ATP6V0A4: variants seen among roughly 807,000 people sequenced by gnomAD.
ATP6V0A4 encodes ATPase H+ transporting V0 subunit a4.
Under a neutral mutation model 107.3 loss-of-function variants are expected in ATP6V0A4, and 86 were observed. The observed-to-expected ratio is 0.80, with a 90% CI of 0.67 to 0.96. ATP6V0A4 has a LOEUF of 0.96. Ranked by LOEUF, ATP6V0A4 falls within the 40% of genes least tolerant of loss-of-function variation. The probability of loss-of-function intolerance (pLI) is 0.00; values close to 1 mark genes in which losing one functional copy is unlikely to be tolerated. For missense variants in ATP6V0A4, 908 were observed against 1,045.6 expected (o/e 0.87, Z 1.81); for synonymous variants, 353 against 381.4 (o/e 0.93, Z 0.87).
chr7:138,778,720 A>T (rs1157922059), intron 2 of ATP6V0A4, among the ~76,000 whole-genome samples: 1 of 151,206 alleles, frequency 6.6e-6, no homozygotes, highest in Non-Finnish European at 1.5e-5. Flanking sequence ...CCCCCACCCC[A>T]TTGCCAGCAA....
At chr7:138,717,937 G>T (rs1258928789) in intron 19 of ATP6V0A4, among the ~76,000 whole-genome samples, 1 of 148,616 alleles carries the variant, frequency 6.7e-6, no homozygotes, top group Admixed American at 6.7e-5. Context: ...AAAAGAGTGA[G>T]ATGAGATAAC....
intron 2 of ATP6V0A4, among the ~76,000 whole-genome samples, chr7:138,779,559 A>G (rs918194498): frequency 3.2e-4 from 49 of 152,110 alleles, no homozygotes; most frequent in African/African-American, 1.1e-3. Context: ...TCCAAGTCCA[A>G]CCCTTGTCAA....
rs534117951 is a variant in ATP6V0A4, at chr7:138,738,887, C to G, written c.1572+653G>C. Among the ~76,000 whole-genome samples the G allele has an allele frequency of 5.3e-5, 8 of 152,280 alleles. No homozygotes were observed. In the East Asian group the frequency reaches 7.7e-4, roughly 15 times the overall value. ...CAGGTTCAATTTCAGACTACTCACG[C>G]TCATTTGGAGCACAAGGCCGCCACC... On this transcript the variant is annotated intron_variant, in intron 15 of 21. Coordinates refer to ENST00000310018, the MANE Select transcript of ATP6V0A4 (RefSeq NM_020632.3).
intron 20 of ATP6V0A4, among the ~76,000 whole-genome samples, chr7:138,713,010 G>A (rs1284057559): frequency 6.6e-6 from 1 of 152,146 alleles, no homozygotes; most frequent in East Asian, 1.9e-4. Context: ...AAGACATGCG[G>A]CCGGGCGCGG....
intron 13 of ATP6V0A4, 57 bp downstream of exon 13, chr7:138,747,368 A>T: frequency 1.3e-6 from 2 of 1,575,252 alleles, no homozygotes; most frequent in South Asian, 2.2e-5. Context: ...TGAAAACCAC[A>T]TACAGATTTT....
intron 5 of ATP6V0A4, among the ~76,000 whole-genome samples, chr7:138,764,204 T>A (rs994623284): frequency 8.6e-5 from 13 of 151,560 alleles, no homozygotes. Flanking sequence ...GTTAGGATAA[T>A]GATGATCTCG....
intron 15 of ATP6V0A4, among the ~76,000 whole-genome samples, chr7:138,734,697 G>A (rs1175355939): frequency 2.0e-5 from 3 of 147,642 alleles, no homozygotes; most frequent in Non-Finnish European, 3.0e-5. Context: ...AGAACCGCTT[G>A]AACCTGGAAG....
chr7:138,715,784 G>A lies in ATP6V0A4; in HGVS notation c.2237C>T (p.Ala746Val). 1.2e-6 allele frequency: 2 copies of A among 1,611,810 alleles called. No individual in the cohort carries two copies. The highest frequency in any genetic ancestry group is 1.7e-5 in the Admixed American group (1 of 60,022). The change falls in exon 20 of 22, where the codon GCC (alanine) becomes GTC (valine). Residue 746 changes from alanine to valine, a missense_variant. Transcript: ENST00000310018. Reference protein sequence around the residue: ...SNTASYLRLWALSLAHAQLSE... With the variant: ...SNTASYLRLWVLSLAHAQLSE... ...CTCACGTGCATGAGCCAGGCTGAGG[G>A]CCCAGAGCCGCAGGTAGGAGGCTGT... is the stretch of plus-strand genomic sequence containing the variant.
intron 19 of ATP6V0A4, among the ~76,000 whole-genome samples, chr7:138,720,100 C>A (rs1455286490): frequency 1.3e-5 from 2 of 152,066 alleles, no homozygotes; most frequent in Non-Finnish European, 2.9e-5. Context: ...CCAAAGGACC[C>A]TAAGGGTCCT....
intron 2 of ATP6V0A4, among the ~76,000 whole-genome samples, chr7:138,777,806 T>C (rs1423955123): frequency 6.6e-6 from 1 of 152,172 alleles, no homozygotes. Flanking sequence ...ATAGACCCTC[T>C]GAGAATCAGA....
intron 18 of ATP6V0A4, among the ~76,000 whole-genome samples, chr7:138,725,573 G>A (rs1804667118): frequency 6.6e-6 from 1 of 152,020 alleles, no homozygotes; most frequent in Middle Eastern, 3.4e-3. Context: ...GTGCAATGGC[G>A]GCGATCTCAG....
chr7:138,722,471 C>T (rs1477727288), intron 18 of ATP6V0A4, among the ~76,000 whole-genome samples: 20 of 151,840 alleles, frequency 1.3e-4, no homozygotes, highest in South Asian at 2.1e-4. Context: ...CCAAGACTAG[C>T]GTGGCCAACA....
At chr7:138,793,652 C>T (rs1808526832) in intron 1 of ATP6V0A4, among the ~76,000 whole-genome samples, 1 of 152,102 alleles carries the variant, frequency 6.6e-6, no homozygotes, top group African/African-American at 2.4e-5. Context: ...AAATAGAAAT[C>T]ATCAAAGTAT....
intron 18 of ATP6V0A4, among the ~76,000 whole-genome samples, chr7:138,727,553 C>A (rs768188831): frequency 3.3e-5 from 5 of 152,140 alleles, no homozygotes; most frequent in Admixed American, 6.6e-5. Context: ...GGAGGAGAGG[C>A]AGGTGACAGA....
intron 21 of ATP6V0A4, among the ~76,000 whole-genome samples, chr7:138,709,208 CAAAAA>C (rs60144433): frequency 1.2e-4 from 6 of 49,334 alleles, no homozygotes; most frequent in Non-Finnish European, 1.6e-4. Context: ...GAGCCTGTCT[CAAAAA>C]AAAAAAAAAA....
intron 2 of ATP6V0A4, among the ~76,000 whole-genome samples, chr7:138,779,504 G>A (rs1489528474): frequency 6.6e-6 from 1 of 152,182 alleles, no homozygotes; most frequent in Non-Finnish European, 1.5e-5. Context: ...TACCAGCTAT[G>A]TGGACATCAC....
At chr7:138,778,291 G>A (rs1032995731) in intron 2 of ATP6V0A4, among the ~76,000 whole-genome samples, 4 of 13,790 alleles carry the variant, frequency 2.9e-4, no homozygotes, top group African/African-American at 8.5e-4. Flanking sequence ...CAGGAGAATC[G>A]CAAAGGTTGC....
At chr7:138,735,953 A>G (rs6467793) in intron 15 of ATP6V0A4, among the ~76,000 whole-genome samples, 85,663 of 151,270 alleles carry the variant, frequency 0.57, 24,710 homozygotes, top group East Asian at 0.91. Context: ...CTGTAATCCC[A>G]GCTACTCAGG....
intron 2 of ATP6V0A4, among the ~76,000 whole-genome samples, chr7:138,777,484 C>T (rs1011875426): frequency 3.3e-5 from 5 of 151,764 alleles, no homozygotes; most frequent in South Asian, 2.1e-4. Flanking sequence ...GGCTTGGTGG[C>T]GCATGCCTGT....
Sources: allele counts gnomAD v4.1 joint callset (sites outside exome capture counted in the v4.1 genomes callset), GRCh38; gene constraint gnomAD v4.1.1; transcripts MANE v1.5; gene names NCBI Gene and HGNC (gene_info 2026-07-23, HGNC 2026-07-21).